MAGI1: variants seen among roughly 807,000 people sequenced by gnomAD.
The protein encoded by MAGI1 is membrane-associated guanylate kinase, WW and PDZ domain-containing protein 1.
In MAGI1, 58 loss-of-function variants were observed where a neutral mutation model predicts 139.9. The observed-to-expected ratio is 0.41, with a 90% CI of 0.34 to 0.52. The LOEUF (loss-of-function observed/expected upper bound fraction) is 0.52, where lower values mean the gene tolerates loss of function less well. Among genes scored for constraint, MAGI1 ranks in the 20% least tolerant of loss-of-function variants. The pLI is 0.12. For missense variants in MAGI1, 1,874 were observed against 1,901.6 expected, an observed-to-expected ratio of 0.99 and a Z score of 0.27; for synonymous variants, 812 against 737.9, an observed-to-expected ratio of 1.10 and a Z score of -1.63.
At chr3:65,972,222 G>A (rs1394377702) in intron 1 of MAGI1, among the ~76,000 whole-genome samples, 1 of 152,200 alleles carries the variant, frequency 6.6e-6, no homozygotes, top group African/African-American at 2.4e-5. Context: ...AGAAGGTGAA[G>A]GAGAGAAGAC....
chr3:65,835,228 C>G (rs560750699), intron 1 of MAGI1, among the ~76,000 whole-genome samples: 1 of 152,240 alleles, frequency 6.6e-6, no homozygotes, highest in South Asian at 2.1e-4. Context: ...GGTTTTTCTA[C>G]AATATTTTTA....
At chr3:65,710,929 C>G (rs1392365907) in intron 1 of MAGI1, among the ~76,000 whole-genome samples, 5 of 152,142 alleles carry the variant, frequency 3.3e-5, no homozygotes, top group Non-Finnish European at 7.3e-5. Flanking sequence ...CTCTGCTTAC[C>G]GTCCTTGTTC....
intron 1 of MAGI1, among the ~76,000 whole-genome samples, chr3:65,811,817 A>G (rs2041251212): frequency 6.6e-6 from 1 of 152,070 alleles, no homozygotes; most frequent in Admixed American, 6.6e-5. Context: ...GCTTTATTAT[A>G]AAGAATCCCC....
chr3:66,026,143 C>A (rs2068247581), intron 1 of MAGI1, among the ~76,000 whole-genome samples: 1 of 151,866 alleles, frequency 6.6e-6, no homozygotes, highest in South Asian at 2.1e-4. Context: ...CTCTCCCTAT[C>A]AGATGTAAAT....
At chr3:65,769,395 A>C (rs1171427561) in intron 1 of MAGI1, among the ~76,000 whole-genome samples, 1 of 152,206 alleles carries the variant, frequency 6.6e-6, no homozygotes, top group Non-Finnish European at 1.5e-5. Flanking sequence ...AGGCTGAGGC[A>C]GGAAGATCAT....
intron 1 of MAGI1, among the ~76,000 whole-genome samples, chr3:65,730,886 T>C (rs2034114898): frequency 6.6e-6 from 1 of 150,982 alleles, no homozygotes. Context: ...ATTGTCTAAC[T>C]CTCCCCACCC....
At chr3:65,627,362 C>T (rs531162044) in intron 1 of MAGI1, among the ~76,000 whole-genome samples, 1 of 151,722 alleles carries the variant, frequency 6.6e-6, no homozygotes, top group Non-Finnish European at 1.5e-5. Context: ...ACAACCATGA[C>T]TATATATAGA....
At chr3:65,817,135 T>C (rs2041656061) in intron 1 of MAGI1, among the ~76,000 whole-genome samples, 1 of 152,190 alleles carries the variant, frequency 6.6e-6, no homozygotes. Flanking sequence ...TACCGAGCTA[T>C]TATACATTCC....
At chr3:65,907,062 A>C (rs992098440) in intron 1 of MAGI1, among the ~76,000 whole-genome samples, 3 of 152,192 alleles carry the variant, frequency 2.0e-5, no homozygotes, top group Non-Finnish European at 4.4e-5. Flanking sequence ...TTACAAAAAA[A>C]AAAAAACACT....
intron 1 of MAGI1, among the ~76,000 whole-genome samples, chr3:65,705,888 T>C (rs746147344): frequency 6.6e-6 from 1 of 152,222 alleles, no homozygotes; most frequent in African/African-American, 2.4e-5. Context: ...TTCTTATTGA[T>C]TGGCAAAATA....
At chr3:65,657,603 GT>G (rs528103166) in intron 1 of MAGI1, among the ~76,000 whole-genome samples, 77 of 152,244 alleles carry the variant, frequency 5.1e-4, no homozygotes, top group Non-Finnish European at 8.7e-4. Flanking sequence ...TGTTAAAGGA[GT>G]CAGTAAGTTG....
intron 1 of MAGI1, among the ~76,000 whole-genome samples, chr3:65,757,435 C>T (rs1368965667): frequency 6.6e-6 from 1 of 152,150 alleles, no homozygotes; most frequent in African/African-American, 2.4e-5. Context: ...ACCTGATGTT[C>T]AAGACCAGCC....
In MAGI1 at chr3:65,909,994, C is replaced by A. The variant is rs575053386; in HGVS notation, c.313+128002G>T. On this transcript the variant is annotated intron_variant, in intron 1 of 22. Transcript: ENST00000402939. ...TGTGCAGTTCACAACAGGGTTCACA[C>A]TCCAATGAGAATCTAATGCCACCAC... is the stretch of plus-strand genomic sequence containing the variant. Among the ~76,000 whole-genome samples the A allele has an allele frequency of 4.7e-4, 71 of 152,268 alleles. 1 individual carries two copies. The South Asian group carries it at 0.014, about 30-fold the overall frequency.
intron 12 of MAGI1, among the ~76,000 whole-genome samples, chr3:65,425,778 G>A (rs934767623): frequency 1.3e-5 from 2 of 152,082 alleles, no homozygotes; most frequent in African/African-American, 4.8e-5. Flanking sequence ...CTACTGATAG[G>A]TGTGAATTTG....
intron 12 of MAGI1, chr3:65,401,845 C>T (rs763755208): frequency 1.8e-5 from 22 of 1,243,782 alleles, no homozygotes; most frequent in South Asian, 3.1e-5. Flanking sequence ...CCTTTCCACA[C>T]GATCCACTTG....
intron 1 of MAGI1, among the ~76,000 whole-genome samples, chr3:65,770,450 C>T (rs920252532): frequency 1.3e-5 from 2 of 152,138 alleles, no homozygotes; most frequent in Admixed American, 6.6e-5. Context: ...AACCCACTGG[C>T]CAGCTCTTGT....
At chr3:65,429,115 ATT>A (rs1395313916) in intron 12 of MAGI1, among the ~76,000 whole-genome samples, 1 of 151,914 alleles carries the variant, frequency 6.6e-6, no homozygotes, top group East Asian at 1.9e-4. Flanking sequence ...AAAGGTTATT[ATT>A]TTTTATATAT....
At chr3:65,878,167 T>A (rs967245488) in intron 1 of MAGI1, among the ~76,000 whole-genome samples, 1 of 151,880 alleles carries the variant, frequency 6.6e-6, no homozygotes, top group Non-Finnish European at 1.5e-5. Flanking sequence ...ACACTGGGCT[T>A]TGGCAAAACC....
intron 1 of MAGI1, among the ~76,000 whole-genome samples, chr3:65,831,695 A>G (rs2042538824): frequency 1.3e-5 from 2 of 152,250 alleles, no homozygotes; most frequent in South Asian, 2.1e-4. Context: ...AAAATTCCAC[A>G]TAGATTTTTG....
Sources: allele counts gnomAD v4.1 joint callset (sites outside exome capture counted in the v4.1 genomes callset), GRCh38; gene constraint gnomAD v4.1.1; transcripts MANE v1.5; gene names NCBI Gene and HGNC (gene_info 2026-07-23, HGNC 2026-07-21).